The following RPH3A variants were observed in gnomAD, a reference collection of about 807,000 sequenced individuals.
RPH3A encodes the protein rabphilin 3A, also known as rabphilin-3A.
In RPH3A, 48 loss-of-function variants were observed where a neutral mutation model predicts 102.2. The ratio of observed to expected loss-of-function variants is 0.47; its 90% CI spans 0.37 to 0.60. RPH3A has a LOEUF of 0.60. Among genes scored for constraint, RPH3A ranks in the 20% least tolerant of loss-of-function variants. The probability of loss-of-function intolerance (pLI) is 0.00; values close to 1 mark genes in which losing one functional copy is unlikely to be tolerated. For synonymous variants in RPH3A, 310 were observed against 324.3 expected, an observed-to-expected ratio of 0.96 and a Z score of 0.47; for missense variants, 781 against 910.1, an observed-to-expected ratio of 0.86 and a Z score of 1.83.
At chr12:112,858,377 T>G (rs2042448872) in intron 5 of RPH3A, among the ~76,000 whole-genome samples, 1 of 146,764 alleles carries the variant, frequency 6.8e-6, no homozygotes, top group African/African-American at 2.5e-5. Context: ...TGCAGTCCCA[T>G]CAGTCTTCAA....
At chr12:112,614,613 G>A (rs1345548532) in intron 1 of RPH3A, among the ~76,000 whole-genome samples, 3 of 147,424 alleles carry the variant, frequency 2.0e-5, no homozygotes, top group South Asian at 4.3e-4. Context: ...TCCTGAGCCC[G>A]GGAAGTCCAG....
chr12:112,735,649 C>T (rs1180943307), intron 1 of RPH3A, among the ~76,000 whole-genome samples: 1 of 152,166 alleles, frequency 6.6e-6, no homozygotes, highest in African/African-American at 2.4e-5. Flanking sequence ...GCACTTGAGC[C>T]TGCCAGAGTT....
At chr12:112,583,430 T>C (rs920374290) in intron 1 of RPH3A, among the ~76,000 whole-genome samples, 1 of 152,124 alleles carries the variant, frequency 6.6e-6, no homozygotes, top group Non-Finnish European at 1.5e-5. Context: ...GTTTGACCTC[T>C]GAAGCACTGT....
At chr12:112,807,471 A>G (rs1457682055) in intron 2 of RPH3A, among the ~76,000 whole-genome samples, 1 of 152,074 alleles carries the variant, frequency 6.6e-6, no homozygotes, top group Admixed American at 6.6e-5. Flanking sequence ...GGTAGAAATA[A>G]TTGCTCATCT....
chr12:112,740,859 C>T (rs2040704310), intron 1 of RPH3A, among the ~76,000 whole-genome samples: 1 of 152,192 alleles, frequency 6.6e-6, no homozygotes, highest in Admixed American at 6.5e-5. Flanking sequence ...GTCTCCTGTT[C>T]CTCCACACCT....
chr12:112,781,956 AG>A (rs1381998789), intron 1 of RPH3A, among the ~76,000 whole-genome samples: 3 of 152,256 alleles, frequency 2.0e-5, no homozygotes, highest in Non-Finnish European at 4.4e-5. Context: ...CATGCAATTC[AG>A]GGTGGTCAGT....
intron 1 of RPH3A, among the ~76,000 whole-genome samples, chr12:112,784,938 T>C (rs1202086339): frequency 6.6e-6 from 1 of 152,234 alleles, no homozygotes; most frequent in Non-Finnish European, 1.5e-5. Context: ...GAGATACAGC[T>C]GTGGCTGGGT....
intron 1 of RPH3A, among the ~76,000 whole-genome samples, chr12:112,756,429 C>G (rs970656647): frequency 2.6e-5 from 4 of 152,206 alleles, no homozygotes; most frequent in Non-Finnish European, 5.9e-5. Flanking sequence ...TCAGGCTGGT[C>G]TCAAACTCCT....
chr12:112,643,729 G>A (rs1326800139), intron 1 of RPH3A, among the ~76,000 whole-genome samples: 1 of 152,230 alleles, frequency 6.6e-6, no homozygotes, highest in African/African-American at 2.4e-5. Flanking sequence ...AGGGAGTTGG[G>A]AGGTGAGACA....
intron 1 of RPH3A, among the ~76,000 whole-genome samples, chr12:112,632,928 C>T (rs543542587): frequency 7.2e-5 from 11 of 152,206 alleles, no homozygotes; most frequent in Middle Eastern, 3.4e-3. Context: ...TGTGGTGGCT[C>T]ATGCCTGTAA....
chr12:112,800,523 G>A (rs2041323502), intron 2 of RPH3A, among the ~76,000 whole-genome samples: 1 of 152,174 alleles, frequency 6.6e-6, no homozygotes, highest in Non-Finnish European at 1.5e-5. Flanking sequence ...CTAGAGTGAT[G>A]TGACCTAATT....
intron 1 of RPH3A, among the ~76,000 whole-genome samples, chr12:112,606,884 A>G (rs528742580): frequency 6.6e-6 from 1 of 152,296 alleles, no homozygotes; most frequent in South Asian, 2.1e-4. Flanking sequence ...CCCTCCTCCA[A>G]TGTTGAGGAT....
At chr12:112,827,896 TAAAAAAAAAAGGG>T (rs1372698437) in intron 2 of RPH3A, among the ~76,000 whole-genome samples, 1 of 73,860 alleles carries the variant, frequency 1.4e-5, no homozygotes, top group Non-Finnish European at 2.8e-5. Flanking sequence ...TTAAGTATAA[TAAAAAAAAAAGGG>T]AAAAAAAAAA....
chr12:112,617,915 T>C (rs1367876007), intron 1 of RPH3A: 2 of 152,212 alleles, frequency 1.3e-5, no homozygotes, highest in Non-Finnish European at 2.9e-5. Flanking sequence ...ATGCTTATTG[T>C]GATAAATCTA....
At chr12:112,709,563 A>G (rs897106709) in intron 1 of RPH3A, among the ~76,000 whole-genome samples, 1 of 151,818 alleles carries the variant, frequency 6.6e-6, no homozygotes, top group Non-Finnish European at 1.5e-5. Context: ...AAAAAAAAAA[A>G]AAATTACTCT....
At chr12:112,656,765 T>C (rs1470976557) in intron 1 of RPH3A, among the ~76,000 whole-genome samples, 4 of 152,084 alleles carry the variant, frequency 2.6e-5, no homozygotes, top group African/African-American at 7.2e-5. Flanking sequence ...TACTTTTTAA[T>C]GGCCATATAG....
In RPH3A at chr12:112,713,022, C is replaced by T. The variant is rs1565857270; in HGVS notation, c.-139-79121C>T. Among the ~76,000 whole-genome samples the T allele has an allele frequency of 2.9e-4, 20 of 69,816 alleles. 2 individuals are homozygous for T. The highest frequency in any genetic ancestry group is 2.3e-3 in the East Asian group (6 of 2,664). The allele number at this position is 69,816 out of a possible 152,430, so 45.8% of individuals were successfully genotyped here. A position where few individuals can be genotyped will look rare whatever the true frequency, so the allele number is the denominator to read the frequency against. ...TCCTCTTCCTCTTCCTCTTCCTCTT[C>T]CTCTTCTTCTTCTTCTTCTTCTTCT... On this transcript the variant is annotated intron_variant, in intron 1 of 21. Coordinates refer to the RPH3A transcript ENST00000543106.
Position 112,874,977 on chromosome 12 carries a change from G to A in RPH3A, c.797-107G>A, listed in dbSNP as rs1367165833. 5 of 841,612 alleles carry A rather than the reference G, an allele frequency of 5.9e-6. No individual in the cohort carries two copies. In the Admixed American group the frequency reaches 8.6e-5, roughly 15 times the overall value. 52.1% of individuals were successfully genotyped at this position (841,612 alleles called of 1,614,324 possible). ...GAGCGAGTGAGGAGCTGCCTCCAGT[G>A]AAAGTCCAAGGGGCTCACCCCACAC... On this transcript the variant is annotated intron_variant, in intron 10 of 21. Coordinates refer to ENST00000389385, the MANE Select transcript of RPH3A (RefSeq NM_001143854.2).
At chr12:112,822,277 C>T (rs1344359715) in intron 2 of RPH3A, among the ~76,000 whole-genome samples, 1 of 152,210 alleles carries the variant, frequency 6.6e-6, no homozygotes, top group Non-Finnish European at 1.5e-5. Context: ...GATAGGGAGG[C>T]CAACTGTGGC....
Sources: gnomAD v4.1 joint callset for allele counts (sites outside exome capture counted in the v4.1 genomes callset) on GRCh38, gnomAD v4.1.1 for gene constraint, MANE v1.5 for transcripts, NCBI Gene and HGNC (gene_info 2026-07-23, HGNC 2026-07-21) for gene names.